The following DENND2B variants were observed in gnomAD, a reference collection of about 807,000 sequenced individuals.
DENND2B encodes DENN domain-containing protein 2B.
Under a neutral mutation model 116.0 loss-of-function variants are expected in DENND2B, and 32 were observed. The ratio of observed to expected loss-of-function variants is 0.28; its 90% confidence interval spans 0.21 to 0.37. The LOEUF is 0.37. Among genes scored for constraint, DENND2B ranks in the 10% least tolerant of loss-of-function variants. The pLI is 1.00. For missense variants in DENND2B, 1,276 were observed against 1,477.7 expected, an observed-to-expected ratio of 0.86 and a Z score of 2.24; for synonymous variants, 588 against 583.9, an observed-to-expected ratio of 1.01 and a Z score of -0.10.
chr11:8,893,074 G>A (rs1352363562), intron 1 of DENND2B, among the ~76,000 whole-genome samples: 1 of 152,126 alleles, frequency 6.6e-6, no homozygotes, highest in East Asian at 1.9e-4. Flanking sequence ...TCATCCCTGG[G>A]ATGCAAGGCT....
At chr11:8,817,707 C>G (rs534791500) in intron 4 of DENND2B, among the ~76,000 whole-genome samples, 1 of 152,276 alleles carries the variant, frequency 6.6e-6, no homozygotes, top group South Asian at 2.1e-4. Context: ...GCTCACAACC[C>G]TCCGTATAAA....
chr11:8,817,689 T>G (rs1336405924), intron 4 of DENND2B, among the ~76,000 whole-genome samples: 1 of 152,100 alleles, frequency 6.6e-6, no homozygotes, highest in Non-Finnish European at 1.5e-5. Flanking sequence ...CTAGTTCACC[T>G]CCGCTCAGCT....
chr11:8,834,406 A>T (rs1401418985), intron 4 of DENND2B, among the ~76,000 whole-genome samples: 1 of 152,256 alleles, frequency 6.6e-6, no homozygotes, highest in Non-Finnish European at 1.5e-5. Context: ...GTCAAAAATC[A>T]GAGGAGATAA....
At chr11:8,781,043 C>G (rs1023159486) in intron 1 of DENND2B, among the ~76,000 whole-genome samples, 2 of 152,082 alleles carry the variant, frequency 1.3e-5, no homozygotes, top group African/African-American at 4.8e-5. Context: ...TCTCCGAGTT[C>G]AGCATCCTAA....
chr11:8,800,721 T>C (rs1377589479), intron 1 of DENND2B, among the ~76,000 whole-genome samples: 1 of 152,130 alleles, frequency 6.6e-6, no homozygotes, highest in Non-Finnish European at 1.5e-5. Flanking sequence ...GCTCAGAGCT[T>C]TGGTAGCACT....
chr11:8,782,417 A>AT (rs1213405292), intron 1 of DENND2B, among the ~76,000 whole-genome samples: 2 of 152,000 alleles, frequency 1.3e-5, no homozygotes, highest in African/African-American at 4.8e-5. Flanking sequence ...TATTTGTCCA[A>AT]TTTTTTTTCC....
chr11:8,713,936 G>T, intron 8 of DENND2B, 62 bp downstream of exon 8: 1 of 1,571,072 alleles, frequency 6.4e-7, no homozygotes, highest in Non-Finnish European at 8.8e-7. Flanking sequence ...CATCGGAAGG[G>T]AAGGCTGATT....
chr11:8,776,146 G>GCACACACA (rs1555185694), intron 1 of DENND2B: 4 of 292,346 alleles, frequency 1.4e-5, no homozygotes, highest in Non-Finnish European at 2.6e-5. Context: ...GCACGTGCGC[G>GCACACACA]CACGCGCGCG....
chr11:8,881,455 G>C (rs2134728178), intron 1 of DENND2B, among the ~76,000 whole-genome samples: 1 of 152,144 alleles, frequency 6.6e-6, no homozygotes. Context: ...GGGAAATTTT[G>C]TAAATTTTTT....
intron 17 of DENND2B, among the ~76,000 whole-genome samples, chr11:8,697,111 C>G (rs541098523): frequency 6.6e-6 from 1 of 152,170 alleles, no homozygotes; most frequent in African/African-American, 2.4e-5. Context: ...AACTAGCCTA[C>G]GAGCTGCAGA....
chr11:8,771,552 A>AGG, intron 1 of DENND2B: 1 of 150,500 alleles, frequency 6.6e-6, no homozygotes, highest in Non-Finnish European at 1.5e-5. Flanking sequence ...AGAGAGAGAG[A>AGG]GAGAGAGAGA....
At chr11:8,743,665 A>G (rs1001763974) in intron 2 of DENND2B, among the ~76,000 whole-genome samples, 4 of 152,176 alleles carry the variant, frequency 2.6e-5, no homozygotes, top group African/African-American at 9.7e-5. Flanking sequence ...CTCTGAAGAC[A>G]GTAAGGCTCC....
chr11:8,755,381 T>C (rs1439264730), intron 1 of DENND2B, among the ~76,000 whole-genome samples: 2 of 152,234 alleles, frequency 1.3e-5, no homozygotes, highest in Admixed American at 1.3e-4. Context: ...TAATTCTTGA[T>C]AGCATTTATA....
Position 8,717,745 on chromosome 11 carries a change from G to A in DENND2B, c.1625C>T (p.Thr542Ile). 1 of 1,563,246 alleles carries A rather than the reference G, an allele frequency of 6.4e-7. No homozygotes were observed. The highest frequency in any genetic ancestry group is 1.2e-5 in the South Asian group (1 of 86,370). The change falls in exon 5 of 20, where the codon ACA becomes ATA. Residue 542 changes from threonine to isoleucine, a missense_variant. Physicochemically the swap from Thr to Ile is moderately conservative, Grantham distance 89. This residue lies in a region of DENND2B where 856 missense variants were observed against 846.6 expected (regional missense o/e 1.01). Coordinates refer to ENST00000313726, the MANE Select transcript of DENND2B (RefSeq NM_213618.2). ...PQDRKYNSPP[T>I]QLSLKPNSQS... ...CCGATGTCAGGGCTGAGTTACCTGT[G>A]TGGGCGGGCTGTTGTACTTCCTGTC...
intron 1 of DENND2B, among the ~76,000 whole-genome samples, chr11:8,898,343 A>C (rs1239484526): frequency 6.6e-6 from 1 of 152,222 alleles, no homozygotes; most frequent in Non-Finnish European, 1.5e-5. Context: ...CCTGCACAAC[A>C]TAGTGAGACC....
At chr11:8,851,836 T>G (rs142739636) in intron 3 of DENND2B, among the ~76,000 whole-genome samples, 2 of 152,220 alleles carry the variant, frequency 1.3e-5, no homozygotes, top group Admixed American at 6.5e-5. Context: ...GGTATATATA[T>G]AAACACTAAT....
At chr11:8,720,417 G>A (rs1204968994) in intron 4 of DENND2B, among the ~76,000 whole-genome samples, 1 of 152,176 alleles carries the variant, frequency 6.6e-6, no homozygotes, top group African/African-American at 2.4e-5. Flanking sequence ...TGACAACCCA[G>A]GGGAAAACAG....
chr11:8,781,626 A>G lies in DENND2B; in HGVS notation c.-26+28891T>C, dbSNP rs1400622490. On this transcript the variant is annotated intron_variant, in intron 1 of 19. Coordinates refer to ENST00000313726, the MANE Select transcript of DENND2B (RefSeq NM_213618.2). ...AAACAATTTAGGAATACACACACAC[A>G]CACACACACACACACATAACCTCAC... Among the ~76,000 whole-genome samples, 4 of 152,140 alleles carry G rather than the reference A, an allele frequency of 2.6e-5. No individual in the cohort carries two copies. The East Asian group carries it at 7.7e-4, about 29-fold the overall frequency.
At chr11:8,821,578 C>CA (rs5789587) in intron 4 of DENND2B, among the ~76,000 whole-genome samples, 1 of 149,190 alleles carries the variant, frequency 6.7e-6, no homozygotes, top group African/African-American at 2.5e-5. Flanking sequence ...GATCCTGTCT[C>CA]AAAAAAAAAA....
Sources: gnomAD v4.1 joint callset for allele counts (sites outside exome capture counted in the v4.1 genomes callset) on GRCh38, gnomAD v4.1.1 for gene constraint, gnomAD v4.1.1 regional missense constraint, MANE v1.5 for transcripts, NCBI Gene and HGNC (gene_info 2026-07-23, HGNC 2026-07-21) for gene names.